The following NEK10 variants were observed in gnomAD, a reference collection of about 807,000 sequenced individuals.
NEK10 encodes serine/threonine-protein kinase Nek10.
In NEK10, 122 loss-of-function variants were observed where a neutral mutation model predicts 159.8. The ratio of observed to expected loss-of-function variants is 0.76; its 90% confidence interval spans 0.66 to 0.89. NEK10 has a LOEUF of 0.89. NEK10 is among the 40% of genes least tolerant of loss of function. The pLI is 0.00. For missense variants in NEK10, 1,342 were observed against 1,323.1 expected, an observed-to-expected ratio of 1.01 and a Z score of -0.22; for synonymous variants, 466 against 457.1, an observed-to-expected ratio of 1.02 and a Z score of -0.25.
chr3:27,274,476 T>G (rs1293819803), intron 22 of NEK10, among the ~76,000 whole-genome samples: 1 of 152,076 alleles, frequency 6.6e-6, no homozygotes, highest in Non-Finnish European at 1.5e-5. Flanking sequence ...CACAGAGGGC[T>G]CTTCTAAAAT....
intron 26 of NEK10, among the ~76,000 whole-genome samples, chr3:27,188,580 T>C (rs1173975092): frequency 2.0e-5 from 3 of 152,290 alleles, no homozygotes; most frequent in African/African-American, 7.2e-5. Flanking sequence ...GAAGATAAAC[T>C]TCCTGTCAAA....
intron 22 of NEK10, among the ~76,000 whole-genome samples, chr3:27,262,736 AT>A (rs957500935): frequency 6.6e-6 from 1 of 151,854 alleles, no homozygotes; most frequent in Non-Finnish European, 1.5e-5. Context: ...CATTCATCTA[AT>A]TTTTTTTCAA....
intron 26 of NEK10, among the ~76,000 whole-genome samples, chr3:27,181,016 G>T (rs1948047872): frequency 6.6e-6 from 1 of 152,036 alleles, no homozygotes; most frequent in Non-Finnish European, 1.5e-5. Flanking sequence ...TGTTCCCCGA[G>T]CTTGGCAGGC....
intron 23 of NEK10, among the ~76,000 whole-genome samples, chr3:27,218,435 C>A (rs1280877172): frequency 6.6e-6 from 1 of 151,698 alleles, no homozygotes; most frequent in Non-Finnish European, 1.5e-5. Flanking sequence ...TGAAACCCTG[C>A]CTCTACTAAA....
intron 23 of NEK10, among the ~76,000 whole-genome samples, chr3:27,251,415 T>G (rs1391765147): frequency 6.6e-6 from 1 of 152,224 alleles, no homozygotes; most frequent in Non-Finnish European, 1.5e-5. Flanking sequence ...ACCATCCCTT[T>G]AGTGCTGTTG....
At chr3:27,316,944 T>C (rs889749763) in intron 6 of NEK10, among the ~76,000 whole-genome samples, 1 of 152,212 alleles carries the variant, frequency 6.6e-6, no homozygotes, top group Non-Finnish European at 1.5e-5. Flanking sequence ...GAAGAACTAG[T>C]GTGCAGCTTT....
intron 22 of NEK10, among the ~76,000 whole-genome samples, chr3:27,263,401 C>T (rs1447201101): frequency 1.3e-5 from 2 of 152,226 alleles, no homozygotes; most frequent in Non-Finnish European, 2.9e-5. Flanking sequence ...TTTGGCAATG[C>T]TCTGCCCCCA....
At chr3:27,119,664 TA>T (rs887781167) in intron 33 of NEK10, 95 bp downstream of exon 33, 453 of 913,292 alleles carry the variant, frequency 5.0e-4, no homozygotes, top group Non-Finnish European at 6.0e-4. Context: ...AAGCTCTATT[TA>T]AAAAAAAATT....
At chr3:27,340,006 G>A (rs895173506) in intron 5 of NEK10, among the ~76,000 whole-genome samples, 13 of 152,172 alleles carry the variant, frequency 8.5e-5, no homozygotes, top group African/African-American at 2.9e-4. Context: ...TCCCATTACT[G>A]TGTAATATCC....
intron 15 of NEK10, among the ~76,000 whole-genome samples, chr3:27,295,410 C>A (rs2043287564): frequency 6.6e-6 from 1 of 152,208 alleles, no homozygotes; most frequent in Non-Finnish European, 1.5e-5. Context: ...AATTCTCCCA[C>A]ACAGAGAAAC....
intron 8 of NEK10, chr3:27,311,491 T>C (rs1346473744): frequency 6.3e-6 from 1 of 157,600 alleles, no homozygotes; most frequent in African/African-American, 2.4e-5. Context: ...TGAGAATCAC[T>C]GTGCTGCTCC....
At chr3:27,320,839 G>C (rs2045570517) in intron 6 of NEK10, among the ~76,000 whole-genome samples, 1 of 152,200 alleles carries the variant, frequency 6.6e-6, no homozygotes, top group Non-Finnish European at 1.5e-5. Context: ...AGTCCAATCA[G>C]AGTAGGCTCT....
At chr3:27,162,532 T>G (rs765130482) in intron 30 of NEK10, 169 bp downstream of exon 30, 7 of 1,614,034 alleles carry the variant, frequency 4.3e-6, no homozygotes, top group Middle Eastern at 1.6e-4. Context: ...TAACTCAGCC[T>G]CTATTTCCTT....
intron 31 of NEK10, 137 bp downstream of exon 31, chr3:27,141,345 A>C (rs1439490575): frequency 3.6e-6 from 2 of 556,294 alleles, no homozygotes; most frequent in Admixed American, 3.5e-5. Context: ...TGCTAAACTA[A>C]AGTGTCCCCA....
intron 3 of NEK10, among the ~76,000 whole-genome samples, chr3:27,348,858 T>C (rs2047759942): frequency 6.6e-6 from 1 of 152,186 alleles, no homozygotes; most frequent in Non-Finnish European, 1.5e-5. Flanking sequence ...TTGTAGGTAT[T>C]CAAATGTGAA....
At chr3:27,174,379 A>G in intron 28 of NEK10, 60 bp downstream of exon 28, 3 of 1,602,384 alleles carry the variant, frequency 1.9e-6, no homozygotes, top group Non-Finnish European at 2.5e-6. Flanking sequence ...CTCAAGTATG[A>G]TTTCCAAACC....
At chr3:27,329,751 G>A (rs1487369861) in intron 5 of NEK10, among the ~76,000 whole-genome samples, 6 of 152,180 alleles carry the variant, frequency 3.9e-5, no homozygotes, top group East Asian at 1.9e-4. Context: ...AAGGGAATCC[G>A]TGAGGCATTA....
chr3:27,125,080 A>T (rs1941791750), intron 32 of NEK10, among the ~76,000 whole-genome samples: 2 of 151,866 alleles, frequency 1.3e-5, no homozygotes, highest in Admixed American at 1.3e-4. Flanking sequence ...GACTGAATAT[A>T]CTTTCGAACT....
intron 25 of NEK10, among the ~76,000 whole-genome samples, chr3:27,201,031 G>A (rs1949999137): frequency 6.6e-6 from 1 of 152,128 alleles, no homozygotes; most frequent in Non-Finnish European, 1.5e-5. Context: ...TCCTGCTATA[G>A]TGATAGCTGG....
Sources: gnomAD v4.1 joint callset for allele counts (sites outside exome capture counted in the v4.1 genomes callset) on GRCh38, gnomAD v4.1.1 for gene constraint, MANE v1.5 for transcripts, NCBI Gene and HGNC (gene_info 2026-07-23, HGNC 2026-07-21) for gene names.